Variants in EPHA7 observed in about 807,000 individuals in gnomAD.
EPHA7 encodes the protein ephrin type-A receptor 7.
Under a neutral mutation model 112.6 loss-of-function variants are expected in EPHA7, and 25 were observed. The observed-to-expected ratio is 0.22, with a 90% confidence interval of 0.16 to 0.31. The LOEUF (loss-of-function observed/expected upper bound fraction) is 0.31. Ranked by LOEUF, EPHA7 falls within the 10% of genes least tolerant of loss-of-function variation. EPHA7 has a pLI of 1.00. For missense variants in EPHA7, 962 were observed against 1,212.6 expected, an observed-to-expected ratio of 0.79 and a Z score of 3.07; for synonymous variants, 437 against 406.5, an observed-to-expected ratio of 1.07 and a Z score of -0.90.
At chr6:93,405,752 A>G (rs1439588130) in intron 3 of EPHA7, among the ~76,000 whole-genome samples, 1 of 138,932 alleles carries the variant, frequency 7.2e-6, no homozygotes, top group Non-Finnish European at 1.6e-5. Context: ...TGAGCTACTA[A>G]CCCACTGGTG....
intron 9 of EPHA7, chr6:93,260,554 T>C: frequency 1.0e-6 from 1 of 955,636 alleles, no homozygotes; most frequent in Non-Finnish European, 1.2e-6. Flanking sequence ...GAGAACAATA[T>C]ATTTCTTTAT....
At chr6:93,418,042 T>C (rs1394744218) in intron 1 of EPHA7, among the ~76,000 whole-genome samples, 3 of 152,102 alleles carry the variant, frequency 2.0e-5, no homozygotes, top group Admixed American at 6.5e-5. Context: ...ATAACCACCA[T>C]GACCTAAATT....
chr6:93,302,828 G>T (rs1260095951), intron 5 of EPHA7, among the ~76,000 whole-genome samples: 1 of 152,002 alleles, frequency 6.6e-6, no homozygotes, highest in South Asian at 2.1e-4. Flanking sequence ...TCATGGAAGA[G>T]AAATAGTTGC....
intron 5 of EPHA7, among the ~76,000 whole-genome samples, chr6:93,274,722 G>C (rs1243786004): frequency 6.6e-6 from 1 of 151,788 alleles, no homozygotes; most frequent in East Asian, 1.9e-4. Context: ...CTTGAGAATG[G>C]ATAAACTGCA....
At chr6:93,313,222 A>G (rs1773631664) in intron 5 of EPHA7, among the ~76,000 whole-genome samples, 1 of 152,180 alleles carries the variant, frequency 6.6e-6, no homozygotes, top group Non-Finnish European at 1.5e-5. Context: ...GTATGTCTGT[A>G]GTGGTAGAGA....
intron 3 of EPHA7, among the ~76,000 whole-genome samples, chr6:93,383,263 CGTGTGT>C (rs56368005): frequency 0.049 from 7,154 of 145,252 alleles, 193 homozygotes; most frequent in Non-Finnish European, 0.057. Flanking sequence ...TATTGGAACT[CGTGTGT>C]GTGTGTGTGT....
At chr6:93,403,114 G>A (rs1420191251) in intron 3 of EPHA7, among the ~76,000 whole-genome samples, 1 of 152,026 alleles carries the variant, frequency 6.6e-6, no homozygotes, top group African/African-American at 2.4e-5. Flanking sequence ...TGAGGAAAAT[G>A]GAATGTAGTT....
Position 93,408,855 on chromosome 6 carries a change from A to T in EPHA7, c.832+1646T>A, listed in dbSNP as rs945023386. ...TTAAAATTTCTAGCCACACTAAAAA[A>T]GAGTAAAAGAAACAGCTGAAATTTT... On this transcript the variant is annotated intron_variant, in intron 3 of 16. Coordinates refer to ENST00000369303, the MANE Select transcript of EPHA7 (RefSeq NM_004440.4). Among the ~76,000 whole-genome samples, 44 of 152,174 alleles carry T rather than the reference A, an allele frequency of 2.9e-4. 1 individual carries two copies. The highest frequency in any genetic ancestry group is 5.9e-5 in the Non-Finnish European group (4 of 68,012).
chr6:93,303,843 A>C (rs1313328096), intron 5 of EPHA7, among the ~76,000 whole-genome samples: 7 of 152,244 alleles, frequency 4.6e-5, no homozygotes, highest in African/African-American at 1.7e-4. Flanking sequence ...CCTATCGTCT[A>C]TAAGCCACCT....
At chr6:93,394,573 A>G (rs911432441) in intron 3 of EPHA7, among the ~76,000 whole-genome samples, 2 of 151,830 alleles carry the variant, frequency 1.3e-5, no homozygotes, top group Non-Finnish European at 2.9e-5. Context: ...TTGTCAAAAA[A>G]GAACTAAGAA....
chr6:93,249,419 T>C (rs1770108531), intron 14 of EPHA7, among the ~76,000 whole-genome samples: 1 of 152,138 alleles, frequency 6.6e-6, no homozygotes, highest in Admixed American at 6.5e-5. Context: ...TTTTAGAAAG[T>C]TGGGTTAAAT....
intron 3 of EPHA7, among the ~76,000 whole-genome samples, chr6:93,387,916 T>TAGATAGAC (rs1202915396): frequency 2.6e-5 from 2 of 76,074 alleles, no homozygotes; most frequent in Non-Finnish European, 5.3e-5. Context: ...CCATCTTAGA[T>TAGATAGAC]AGATAGACAG....
rs899769145 is a variant in EPHA7 at position 93,242,476 on chromosome 6, G to C, written c.*950C>G. Reference sequence around the variant, plus strand: ...AATGTCACGAGAATGAAAAAATCTTGATGTGCTCAGATTAATTTTTAGATA... The same window carrying C: ...AATGTCACGAGAATGAAAAAATCTTCATGTGCTCAGATTAATTTTTAGATA... On this transcript the variant is annotated 3_prime_UTR_variant, in exon 17 of 17. Coordinates refer to ENST00000369303, the MANE Select transcript of EPHA7 (RefSeq NM_004440.4). The C allele has an allele frequency of 5.1e-6, 1 of 196,916 alleles. No individual in the cohort carries two copies. Among genetic ancestry groups the C allele is most frequent in the African/African-American group, 2.3e-5 (1 of 43,358 alleles). The allele number at this position is 196,916 out of a possible 1,614,324, so 12.2% of individuals were successfully genotyped here.
intron 3 of EPHA7, among the ~76,000 whole-genome samples, chr6:93,378,099 G>C (rs1337164460): frequency 1.3e-5 from 2 of 151,932 alleles, no homozygotes; most frequent in Non-Finnish European, 2.9e-5. Flanking sequence ...AGATATTCAA[G>C]AGACTGGAAA....
chr6:93,278,777 CAG>C (rs963272443), intron 5 of EPHA7, among the ~76,000 whole-genome samples: 22 of 151,706 alleles, frequency 1.5e-4, no homozygotes, highest in East Asian at 1.9e-4. Context: ...AGCATCATCT[CAG>C]AGTCATATTT....
intron 16 of EPHA7, 117 bp downstream of exon 16, chr6:93,245,181 T>C (rs1769891068): frequency 2.0e-6 from 2 of 988,562 alleles, no homozygotes; most frequent in South Asian, 3.3e-5. Flanking sequence ...AAGAAGTATT[T>C]TTTTTATCTT....
At chr6:93,416,413 A>G (rs1171722314) in intron 1 of EPHA7, among the ~76,000 whole-genome samples, 6 of 152,162 alleles carry the variant, frequency 3.9e-5, no homozygotes, top group African/African-American at 9.7e-5. Context: ...TGAGAGTGAA[A>G]TAAACATTGC....
At chr6:93,408,616 T>C (rs1158045726) in intron 3 of EPHA7, among the ~76,000 whole-genome samples, 1 of 152,112 alleles carries the variant, frequency 6.6e-6, no homozygotes, top group Non-Finnish European at 1.5e-5. Flanking sequence ...CCTGAACCTA[T>C]ATCATCTCCA....
At chr6:93,262,699 T>C (rs1463411314) in intron 9 of EPHA7, among the ~76,000 whole-genome samples, 1 of 151,426 alleles carries the variant, frequency 6.6e-6, no homozygotes, top group Non-Finnish European at 1.5e-5. Context: ...TTGTGTTACA[T>C]AAAAGCACTT....
Sources: allele counts gnomAD v4.1 joint callset (sites outside exome capture counted in the v4.1 genomes callset), GRCh38; gene constraint gnomAD v4.1.1; transcripts MANE v1.5; gene names NCBI Gene and HGNC (gene_info 2026-07-23, HGNC 2026-07-21).